THSD7A: variants seen among roughly 807,000 people sequenced by gnomAD.
THSD7A encodes thrombospondin type-1 domain-containing protein 7A.
A neutral mutation model predicts 231.3 loss-of-function variants in THSD7A; 96 were observed. The observed-to-expected ratio is 0.41, with a 90% CI of 0.35 to 0.49. The LOEUF (loss-of-function observed/expected upper bound fraction) is 0.49. Ranked by LOEUF, THSD7A falls within the 20% of genes least tolerant of loss-of-function variation. THSD7A has a pLI of 0.05. For missense variants in THSD7A, 2,290 were observed against 2,070.2 expected, an observed-to-expected ratio of 1.11 and a Z score of -2.06; for synonymous variants, 940 against 743.3, an observed-to-expected ratio of 1.26 and a Z score of -4.30.
Position 11,444,199 on chromosome 7 carries a change from G to C in THSD7A, c.3064+1862C>G, listed in dbSNP as rs986165647. On this transcript the variant is annotated intron_variant, in intron 13 of 27. Coordinates refer to ENST00000423059, the MANE Select transcript of THSD7A (RefSeq NM_015204.3). This position sits in a 1 kb window ranked among gnomAD's most constrained non-coding sequence, Gnocchi z 4.2. Reference sequence around the variant, plus strand: ...AAAGAGGAACACTTTTACAATGTTGGTGGGAGTGTAAATTAGTTCAACCAT... The same window carrying C: ...AAAGAGGAACACTTTTACAATGTTGCTGGGAGTGTAAATTAGTTCAACCAT... 1.3e-5 allele frequency among the ~76,000 whole-genome samples: 2 copies of C among 152,118 alleles called. No individual in the cohort carries two copies. Among genetic ancestry groups the C allele is most frequent in the East Asian group, 1.9e-4 (1 of 5,178 alleles).
At chr7:11,787,591 C>G (rs911061094) in intron 1 of THSD7A, among the ~76,000 whole-genome samples, 1 of 151,856 alleles carries the variant, frequency 6.6e-6, no homozygotes, top group East Asian at 1.9e-4. Context: ...TAGAAATAGG[C>G]GAAAGACCTA....
At chr7:11,586,406 A>C (rs1331045172) in intron 4 of THSD7A, among the ~76,000 whole-genome samples, 2 of 152,200 alleles carry the variant, frequency 1.3e-5, no homozygotes, top group East Asian at 1.9e-4. Flanking sequence ...TAAGGATTGC[A>C]TCTGAGAATC....
At chr7:11,383,899 T>A (rs1782624317) in intron 23 of THSD7A, 1 of 151,976 alleles carries the variant, frequency 6.6e-6, no homozygotes, top group Non-Finnish European at 1.5e-5. Flanking sequence ...TCTTTGCAAC[T>A]ACAATCTGTG....
In THSD7A at chr7:11,541,649, G is replaced by C; in HGVS notation, c.1610-18C>G. ...TTTGAAGCCTGAATTATGGGGGAAG[G>C]AAAAATCTATTGTTACTATCAAAGG... is the stretch of plus-strand genomic sequence containing the variant. On this transcript the variant is annotated intron_variant, in intron 5 of 27. Transcript: ENST00000423059. 6.2e-7 allele frequency: 1 copy of C among 1,605,626 alleles called. No homozygotes were observed. The highest frequency in any genetic ancestry group is 8.5e-7 in the Non-Finnish European group (1 of 1,173,624).
At chr7:11,663,182 G>A (rs1782997785) in intron 1 of THSD7A, among the ~76,000 whole-genome samples, 1 of 151,080 alleles carries the variant, frequency 6.6e-6, no homozygotes, top group Admixed American at 6.6e-5. Context: ...AAACAAAAAA[G>A]GAGATTCTTC....
intron 1 of THSD7A, among the ~76,000 whole-genome samples, chr7:11,657,710 G>A (rs1246921110): frequency 6.6e-6 from 1 of 151,728 alleles, no homozygotes; most frequent in East Asian, 1.9e-4. Context: ...TCACAGATAA[G>A]AACTTTGTCA....
intron 6 of THSD7A, among the ~76,000 whole-genome samples, chr7:11,522,762 ATATT>A (rs949732774): frequency 1.8e-4 from 27 of 152,194 alleles, no homozygotes; most frequent in African/African-American, 6.3e-4. Context: ...TTATGGGAAA[ATATT>A]TATTGTGGCA....
intron 8 of THSD7A, among the ~76,000 whole-genome samples, chr7:11,471,609 A>G (rs1785940893): frequency 6.6e-6 from 1 of 151,932 alleles, no homozygotes; most frequent in African/African-American, 2.4e-5. Flanking sequence ...GGATTTTAAA[A>G]TATTTAAGGA....
At chr7:11,545,109 A>G (rs930967878) in intron 4 of THSD7A, among the ~76,000 whole-genome samples, 2 of 152,198 alleles carry the variant, frequency 1.3e-5, no homozygotes, top group Admixed American at 6.5e-5. Flanking sequence ...AGACATGTAT[A>G]GGCAGAAGAG....
chr7:11,707,581 C>T (rs147522752), intron 1 of THSD7A, among the ~76,000 whole-genome samples: 171 of 151,016 alleles, frequency 1.1e-3, no homozygotes, highest in African/African-American at 4.1e-3. Context: ...GATGTGTGTG[C>T]CTGGCAGGCA....
At chr7:11,486,025 G>A (rs1221979306) in intron 6 of THSD7A, among the ~76,000 whole-genome samples, 2 of 152,198 alleles carry the variant, frequency 1.3e-5, no homozygotes, top group Non-Finnish European at 1.5e-5. Flanking sequence ...CCAGGCATAA[G>A]TCATCTGGGA....
At chr7:11,815,309 G>GGTAA (rs1583313339) in intron 1 of THSD7A, among the ~76,000 whole-genome samples, 1 of 151,670 alleles carries the variant, frequency 6.6e-6, no homozygotes, top group Non-Finnish European at 1.5e-5. Flanking sequence ...CCTGCAGCAG[G>GGTAA]GTAAGGGAGT....
At chr7:11,782,524 C>T (rs1390459496) in intron 1 of THSD7A, among the ~76,000 whole-genome samples, 3 of 152,064 alleles carry the variant, frequency 2.0e-5, no homozygotes, top group African/African-American at 7.2e-5. Flanking sequence ...ATCTTTTAGC[C>T]CTAGGAATGA....
Position 11,406,576 on chromosome 7 carries a change from T to C in THSD7A, c.4063-102A>G, listed in dbSNP as rs956242857. 2.4e-6 allele frequency: 3 copies of C among 1,270,936 alleles called. No individual in the cohort carries two copies. Among genetic ancestry groups the C allele is most frequent in the Non-Finnish European group, 3.2e-6 (3 of 940,144 alleles). The allele number at this position is 1,270,936 out of a possible 1,614,324, so 78.7% of individuals were successfully genotyped here. A position where few individuals can be genotyped will look rare whatever the true frequency, so the allele number is the denominator to read the frequency against. On this transcript the variant is annotated intron_variant, in intron 21 of 27. Transcript: ENST00000423059. The surrounding 1 kb of genome is among the most constrained non-coding windows in gnomAD (Gnocchi z 4.7). ...CACCACTGACTTTGATTTATGAACA[T>C]TTAGAGAAGGATTTGAAACCCTAGG...
At chr7:11,577,127 C>G (rs544825182) in intron 4 of THSD7A, among the ~76,000 whole-genome samples, 15 of 152,214 alleles carry the variant, frequency 9.9e-5, no homozygotes, top group Admixed American at 2.6e-4. Flanking sequence ...ACTTTTCTTA[C>G]CCCCTTGTTA....
At chr7:11,391,558 C>T (rs980446635) in intron 23 of THSD7A, among the ~76,000 whole-genome samples, 1 of 152,176 alleles carries the variant, frequency 6.6e-6, no homozygotes, top group African/African-American at 2.4e-5. Flanking sequence ...CCCAGCCAGA[C>T]CACTTGGCCC....
intron 13 of THSD7A, among the ~76,000 whole-genome samples, chr7:11,433,343 CA>C (rs1024070431): frequency 5.9e-5 from 9 of 151,794 alleles, no homozygotes; most frequent in Non-Finnish European, 1.0e-4. Context: ...ATGAGATGCC[CA>C]AAAAATAACT....
chr7:11,635,201 G>A (rs564602160), intron 2 of THSD7A, among the ~76,000 whole-genome samples: 20 of 152,238 alleles, frequency 1.3e-4, no homozygotes, highest in African/African-American at 4.8e-4. Flanking sequence ...TAGAGTTGAT[G>A]ACACTTTCAA....
chr7:11,615,889 A>T (rs1781087854), intron 2 of THSD7A, among the ~76,000 whole-genome samples: 1 of 152,188 alleles, frequency 6.6e-6, no homozygotes, highest in Non-Finnish European at 1.5e-5. Context: ...AAACACACTC[A>T]GATTTAGATA....
Sources: gnomAD v4.1 joint callset for allele counts (sites outside exome capture counted in the v4.1 genomes callset) on GRCh38, gnomAD v4.1.1 for gene constraint, Gnocchi (gnomAD v3.1) non-coding constraint, MANE v1.5 for transcripts, NCBI Gene and HGNC (gene_info 2026-07-23, HGNC 2026-07-21) for gene names.